Variants in STAG1 observed in about 807,000 individuals in gnomAD.
STAG1 encodes STAG1 cohesin complex component, also known as cohesin subunit SA-1.
In STAG1, 26 loss-of-function variants were observed where a neutral mutation model predicts 170.9. That is an observed-to-expected ratio of 0.15 (90% confidence interval 0.11 to 0.21). The LOEUF is 0.21. Among genes scored for constraint, STAG1 ranks in the 10% least tolerant of loss-of-function variants. The pLI, the probability that STAG1 is intolerant of heterozygous loss-of-function variation, is 1.00. For synonymous variants in STAG1, 514 were observed against 497.7 expected, an observed-to-expected ratio of 1.03 and a Z score of -0.44; for missense variants, 964 against 1,509.5, an observed-to-expected ratio of 0.64 and a Z score of 5.99.
intron 2 of STAG1, among the ~76,000 whole-genome samples, chr3:136,623,927 G>A (rs1016696139): frequency 1.3e-5 from 2 of 151,864 alleles, no homozygotes; most frequent in African/African-American, 2.4e-5. Flanking sequence ...TCCAGCCTGG[G>A]CAACAGGGCA....
chr3:136,572,019 C>T (rs1310551048), intron 4 of STAG1, among the ~76,000 whole-genome samples: 1 of 151,750 alleles, frequency 6.6e-6, no homozygotes, highest in Non-Finnish European at 1.5e-5. Context: ...CCTATCTATG[C>T]TAAAAATACC....
At chr3:136,751,171 C>G (rs1267457960) in intron 1 of STAG1, among the ~76,000 whole-genome samples, 1 of 138,268 alleles carries the variant, frequency 7.2e-6, no homozygotes, top group African/African-American at 2.7e-5. Context: ...TGACAAATTG[C>G]GTTTTTTTTT....
chr3:136,634,613 G>C (rs1327485045), intron 1 of STAG1, among the ~76,000 whole-genome samples: 1 of 112,886 alleles, frequency 8.9e-6, no homozygotes, highest in Admixed American at 9.4e-5. Flanking sequence ...AGCTTTTAGG[G>C]AAAAAAAAAA....
At chr3:136,536,163 CATA>C (rs1935610911) in intron 6 of STAG1, among the ~76,000 whole-genome samples, 1 of 152,072 alleles carries the variant, frequency 6.6e-6, no homozygotes, top group African/African-American at 2.4e-5. Flanking sequence ...AAGCATCTCT[CATA>C]ATGAGTGATG....
intron 4 of STAG1, among the ~76,000 whole-genome samples, chr3:136,572,581 G>A (rs1283866367): frequency 7.5e-6 from 1 of 132,578 alleles, no homozygotes; most frequent in Non-Finnish European, 1.6e-5. Flanking sequence ...TGCAGCCTGG[G>A]TGACAGAGCA....
intron 1 of STAG1, among the ~76,000 whole-genome samples, chr3:136,698,464 T>C (rs962973691): frequency 3.4e-5 from 5 of 147,586 alleles, no homozygotes; most frequent in African/African-American, 1.0e-4. Context: ...CCTGCAAGAA[T>C]AGTCATAATT....
chr3:136,392,549 A>G (rs2087036197), intron 22 of STAG1, among the ~76,000 whole-genome samples: 1 of 151,980 alleles, frequency 6.6e-6, no homozygotes, highest in African/African-American at 2.4e-5. Flanking sequence ...GGTGGATCAC[A>G]AGGTCAGCAG....
intron 21 of STAG1, among the ~76,000 whole-genome samples, chr3:136,414,528 T>C (rs2087718258): frequency 6.6e-6 from 1 of 152,180 alleles, no homozygotes; most frequent in South Asian, 2.1e-4. Context: ...TCTGGGTGAC[T>C]TCCTCCACTT....
chr3:136,659,969 AGGAGTTTCAG>A (rs1576727908), intron 1 of STAG1, among the ~76,000 whole-genome samples: 1 of 152,336 alleles, frequency 6.6e-6, no homozygotes, highest in East Asian at 1.9e-4. Context: ...GCTTAAGGCC[AGGAGTTTCAG>A]AACAGCCTGC....
intron 7 of STAG1, 143 bp downstream of exon 7, chr3:136,521,070 G>C: frequency 1.4e-6 from 1 of 714,222 alleles, no homozygotes; most frequent in South Asian, 2.3e-5. Context: ...TATGAAAACA[G>C]GCATAAATTT....
chr3:136,712,932 A>T (rs1943424442), intron 1 of STAG1, among the ~76,000 whole-genome samples: 1 of 152,098 alleles, frequency 6.6e-6, no homozygotes, highest in African/African-American at 2.4e-5. Context: ...CTCTACGAAA[A>T]ATACAAAAAT....
intron 1 of STAG1, among the ~76,000 whole-genome samples, chr3:136,680,544 T>C (rs1276656422): frequency 6.6e-6 from 1 of 152,042 alleles, no homozygotes; most frequent in Non-Finnish European, 1.5e-5. Flanking sequence ...AGGGAAGGGA[T>C]ACAACGGGAA....
chr3:136,659,250 T>C (rs946710075), intron 1 of STAG1, among the ~76,000 whole-genome samples: 2 of 152,194 alleles, frequency 1.3e-5, no homozygotes, highest in Non-Finnish European at 2.9e-5. Context: ...TTCCAAAAAT[T>C]TGTCCTGTCT....
intron 1 of STAG1, among the ~76,000 whole-genome samples, chr3:136,703,279 G>A (rs960428119): frequency 6.6e-6 from 1 of 152,154 alleles, no homozygotes; most frequent in Non-Finnish European, 1.5e-5. Flanking sequence ...TAACACTGGT[G>A]AATTTCTATA....
intron 4 of STAG1, among the ~76,000 whole-genome samples, chr3:136,571,738 A>G (rs193203027): frequency 1.4e-4 from 21 of 152,028 alleles, no homozygotes; most frequent in Non-Finnish European, 2.4e-4. Flanking sequence ...AATATTAGTG[A>G]GGAATGGTGG....
At chr3:136,663,646 A>G (rs1379059262) in intron 1 of STAG1, among the ~76,000 whole-genome samples, 1 of 152,256 alleles carries the variant, frequency 6.6e-6, no homozygotes, top group African/African-American at 2.4e-5. Context: ...ATGTAACACT[A>G]ACTTAGGACT....
chr3:136,744,922 C>T (rs1162454865), intron 1 of STAG1, among the ~76,000 whole-genome samples: 9 of 152,106 alleles, frequency 5.9e-5, no homozygotes, highest in Non-Finnish European at 1.3e-4. Context: ...GTGATCCACC[C>T]GCCTCGGCCT....
chr3:136,500,129 A>G lies in STAG1; in HGVS notation c.902+94T>C, dbSNP rs778067551. 29 of 795,592 alleles carry G rather than the reference A, an allele frequency of 3.6e-5. No individual in the cohort carries two copies. The Admixed American group carries it at 6.4e-4, about 18-fold the overall frequency. The allele number at this position is 795,592 out of a possible 1,614,324, so 49.3% of individuals were successfully genotyped here. ...TTTTCCAGAAAACAAAACATAAATC[A>G]TAATTAGTGAGTTTTACAGTTAGCC... On this transcript the variant is annotated intron_variant, in intron 9 of 33. Transcript: ENST00000383202.
At chr3:136,666,121 G>C (rs537247284) in intron 1 of STAG1, among the ~76,000 whole-genome samples, 161 of 117,414 alleles carry the variant, frequency 1.4e-3, no homozygotes, top group Non-Finnish European at 2.2e-3. Context: ...AGAAAGAAAT[G>C]CAAGTGGTCT....
Sources: allele counts gnomAD v4.1 joint callset (sites outside exome capture counted in the v4.1 genomes callset), GRCh38; gene constraint gnomAD v4.1.1; transcripts MANE v1.5; gene names NCBI Gene and HGNC (gene_info 2026-07-23, HGNC 2026-07-21).